RPH3A: variants seen among roughly 807,000 people sequenced by gnomAD.
The protein encoded by RPH3A is rabphilin-3A.
In RPH3A, 48 loss-of-function variants were observed where a neutral mutation model predicts 102.2. The observed-to-expected ratio is 0.47, with a 90% CI of 0.37 to 0.60. The LOEUF is 0.60. RPH3A is among the 20% of genes least tolerant of loss of function. The probability of loss-of-function intolerance (pLI) is 0.00; values close to 1 mark genes in which losing one functional copy is unlikely to be tolerated. For missense variants in RPH3A, 781 were observed against 910.1 expected (o/e 0.86, Z 1.83); for synonymous variants, 310 against 324.3 (o/e 0.96, Z 0.47).
At chr12:112,822,320 C>T (rs1373372245) in intron 2 of RPH3A, among the ~76,000 whole-genome samples, 1 of 152,254 alleles carries the variant, frequency 6.6e-6, no homozygotes, top group Non-Finnish European at 1.5e-5. Flanking sequence ...GCAGCTCCTG[C>T]CGGTTCCCTG....
At chr12:112,832,937 C>CTTTTT (rs71086121) in intron 3 of RPH3A, among the ~76,000 whole-genome samples, 1 of 131,772 alleles carries the variant, frequency 7.6e-6, no homozygotes, top group African/African-American at 2.9e-5. Context: ...TTATTTCACT[C>CTTTTT]TTTTTTTTTT....
chr12:112,652,704 A>C (rs907952508), intron 1 of RPH3A, among the ~76,000 whole-genome samples: 1 of 152,166 alleles, frequency 6.6e-6, no homozygotes, highest in African/African-American at 2.4e-5. Context: ...TCATTCATTC[A>C]TTAATTCATT....
chr12:112,826,656 T>C (rs2041879570), intron 2 of RPH3A, among the ~76,000 whole-genome samples: 1 of 152,236 alleles, frequency 6.6e-6, no homozygotes, highest in African/African-American at 2.4e-5. Context: ...CTTTGTCTTT[T>C]CTTAACTCTT....
In RPH3A at chr12:112,668,111, C is replaced by T. The variant is rs141102827; in HGVS notation, c.-140+92792C>T. ...CCACTGCATATTGTAATTATACATTCGTGTGATTATTTAATTGATCTATCT... is the reference window on the plus strand; with the variant it reads ...CCACTGCATATTGTAATTATACATTTGTGTGATTATTTAATTGATCTATCT... On this transcript the variant is annotated intron_variant, in intron 1 of 21. Transcript: ENST00000543106. Among the ~76,000 whole-genome samples the T allele has an allele frequency of 2.8e-4, 43 of 152,194 alleles. No homozygotes were observed. The East Asian group carries it at 6.4e-3, about 23-fold the overall frequency.
At position 112,639,877 on chromosome 12, in the gene RPH3A, T is replaced by G. The variant is rs569697098; in HGVS notation, c.-140+64558T>G. The stretch of plus-strand genomic sequence containing the variant: ...CTACCTGTTGGTGGGTGCTAAGTCA[T>G]GTGCCAGGCACACAGTTGAATCCTC... On this transcript the variant is annotated intron_variant, in intron 1 of 21. Transcript: ENST00000543106. 3.3e-5 allele frequency among the ~76,000 whole-genome samples: 5 copies of G among 152,292 alleles called. No individual in the cohort carries two copies. In the South Asian group the frequency reaches 6.2e-4, roughly 19 times the overall value.
chr12:112,823,114 T>A (rs1325777925), intron 2 of RPH3A, among the ~76,000 whole-genome samples: 1 of 152,164 alleles, frequency 6.6e-6, no homozygotes, highest in African/African-American at 2.4e-5. Flanking sequence ...GCTGGGTGGG[T>A]AGGTATCTCT....
intron 1 of RPH3A, among the ~76,000 whole-genome samples, chr12:112,635,197 C>T (rs1168109836): frequency 6.6e-6 from 1 of 152,136 alleles, no homozygotes; most frequent in Non-Finnish European, 1.5e-5. Context: ...AATATGTAAC[C>T]AAGTGGGTGT....
chr12:112,752,920 T>TA (rs1488527009), intron 1 of RPH3A, among the ~76,000 whole-genome samples: 3 of 151,880 alleles, frequency 2.0e-5, no homozygotes, highest in African/African-American at 7.2e-5. Flanking sequence ...TATGATCATT[T>TA]ATTTCCCCAA....
chr12:112,670,266 T>C (rs1417955522), intron 1 of RPH3A, among the ~76,000 whole-genome samples: 1 of 152,162 alleles, frequency 6.6e-6, no homozygotes, highest in Non-Finnish European at 1.5e-5. Flanking sequence ...CACTGCAACC[T>C]CTGTTTCCTG....
At chr12:112,854,852 A>C (rs750774763) in intron 5 of RPH3A, among the ~76,000 whole-genome samples, 2 of 152,230 alleles carry the variant, frequency 1.3e-5, no homozygotes, top group Non-Finnish European at 2.9e-5. Context: ...TTGCTTTTGG[A>C]GAGTACAGGT....
chr12:112,800,959 A>T (rs1389059979), intron 2 of RPH3A, among the ~76,000 whole-genome samples: 2 of 152,144 alleles, frequency 1.3e-5, no homozygotes. Flanking sequence ...CCGGAAGAAA[A>T]GGCAGCAGCG....
chr12:112,872,671 T>C (rs1309095756), intron 10 of RPH3A, among the ~76,000 whole-genome samples: 1 of 152,220 alleles, frequency 6.6e-6, no homozygotes, highest in Non-Finnish European at 1.5e-5. Context: ...CTAAGAGTTT[T>C]ATAGTTTTAG....
chr12:112,850,429 C>T (rs967137503), intron 5 of RPH3A, among the ~76,000 whole-genome samples: 3 of 152,066 alleles, frequency 2.0e-5, no homozygotes, highest in African/African-American at 7.3e-5. Flanking sequence ...ATTCTAGCAG[C>T]CCCTGGCTTC....
intron 1 of RPH3A, among the ~76,000 whole-genome samples, chr12:112,697,876 A>T (rs2040363471): frequency 6.6e-6 from 1 of 152,128 alleles, no homozygotes; most frequent in African/African-American, 2.4e-5. Flanking sequence ...AAAAAAAAAA[A>T]TCCAAACAGA....
At position 112,875,067 on chromosome 12, in the gene RPH3A, T is replaced by C; in HGVS notation, c.797-17T>C. 1 of 1,593,394 alleles carries C rather than the reference T, an allele frequency of 6.3e-7. No individual in the cohort carries two copies. The highest frequency in any genetic ancestry group is 1.1e-5 in the South Asian group (1 of 87,814). Reference sequence around the variant, plus strand: ...TGTGTGACACATAATGGCTGTTTTCTTTTCTTTCCTCTGCAGGTTTGAGAC... The same window carrying C: ...TGTGTGACACATAATGGCTGTTTTCCTTTCTTTCCTCTGCAGGTTTGAGAC... On this transcript the variant is annotated splice_polypyrimidine_tract_variant and intron_variant, in intron 10 of 21. Transcript: ENST00000389385.
intron 1 of RPH3A, among the ~76,000 whole-genome samples, chr12:112,707,489 G>T (rs751359563): frequency 3.3e-5 from 5 of 152,224 alleles, no homozygotes; most frequent in Non-Finnish European, 7.3e-5. Context: ...AGGTGGCAGG[G>T]CTGGGATTTA....
chr12:112,812,675 C>G (rs1162476692), intron 2 of RPH3A, among the ~76,000 whole-genome samples: 1 of 151,022 alleles, frequency 6.6e-6, no homozygotes, highest in Non-Finnish European at 1.5e-5. Context: ...CCCCTTCTCT[C>G]TCTCTCTCTC....
At chr12:112,855,912 A>G (rs1027298975) in intron 5 of RPH3A, among the ~76,000 whole-genome samples, 10 of 152,038 alleles carry the variant, frequency 6.6e-5, no homozygotes, top group African/African-American at 2.4e-4. Flanking sequence ...AGAGAGAGAA[A>G]GACAGAAAGA....
At chr12:112,638,332 T>C (rs773681099) in intron 1 of RPH3A, among the ~76,000 whole-genome samples, 30 of 152,194 alleles carry the variant, frequency 2.0e-4, no homozygotes, top group Admixed American at 4.6e-4. Context: ...GCCTCAGGTA[T>C]TCCTGTCTAG....
Sources: gnomAD v4.1 joint callset for allele counts (sites outside exome capture counted in the v4.1 genomes callset) on GRCh38, gnomAD v4.1.1 for gene constraint, MANE v1.5 for transcripts, NCBI Gene and HGNC (gene_info 2026-07-23, HGNC 2026-07-21) for gene names.